The following SHISA9 variants were observed in gnomAD, a reference collection of about 807,000 sequenced individuals.
SHISA9 encodes the protein protein shisa-9.
Under a neutral mutation model 38.0 loss-of-function variants are expected in SHISA9, and 13 were observed. The ratio of observed to expected loss-of-function variants is 0.34; its 90% CI spans 0.22 to 0.54. The LOEUF (loss-of-function observed/expected upper bound fraction) is 0.54. SHISA9 is among the 20% of genes least tolerant of loss of function. The pLI is 0.91. For missense variants in SHISA9, 538 were observed against 575.8 expected (o/e 0.93, Z 0.67); for synonymous variants, 275 against 242.0 (o/e 1.14, Z -1.27).
rs534767462 is a variant in SHISA9, at chr16:12,974,105, T to C, written c.691+57290T>C. On this transcript the variant is annotated intron_variant, in intron 2 of 4. Transcript: ENST00000558583. ...GAGACCAATTAGAAAGTGGAAGGCC[T>C]AGGAAGAAAAGGGACCAGGGAGTTC... Among the ~76,000 whole-genome samples, 11 of 152,148 alleles carry C rather than the reference T, an allele frequency of 7.2e-5. No individual in the cohort carries two copies. The South Asian group carries it at 2.1e-3, about 29-fold the overall frequency.
intron 2 of SHISA9, among the ~76,000 whole-genome samples, chr16:13,163,867 T>C (rs1227635111): frequency 6.6e-6 from 1 of 152,030 alleles, no homozygotes; most frequent in African/African-American, 2.4e-5. Flanking sequence ...TTATTAGTTG[T>C]AATAGTTTTT....
chr16:13,359,350 G>A, the SHISA9 span, among the ~76,000 whole-genome samples: 1 of 152,096 alleles, frequency 6.6e-6, no homozygotes, highest in African/African-American at 2.4e-5. Flanking sequence ...GGGTGTGGTG[G>A]TGGGCACCTG....
chr16:13,328,615 CACACACACACACACACACACAT>C, the SHISA9 span, among the ~76,000 whole-genome samples: 3 of 145,428 alleles, frequency 2.1e-5, no homozygotes, highest in Non-Finnish European at 3.0e-5. Context: ...CACACACACA[CACACACACACACACACACACAT>C]ATATATTGTA....
intron 2 of SHISA9, among the ~76,000 whole-genome samples, chr16:13,040,630 TC>T (rs1255663651): frequency 1.3e-5 from 2 of 152,148 alleles, no homozygotes; most frequent in African/African-American, 4.8e-5. Flanking sequence ...CATCTACTTT[TC>T]CCCCTTGCTC....
chr16:12,982,840 A>G (rs2072258152), intron 2 of SHISA9, among the ~76,000 whole-genome samples: 1 of 152,262 alleles, frequency 6.6e-6, no homozygotes, highest in African/African-American at 2.4e-5. Flanking sequence ...AAAGCATTGC[A>G]TAAATAAACG....
the SHISA9 span, among the ~76,000 whole-genome samples, chr16:13,557,914 T>G: frequency 0.31 from 47,704 of 151,842 alleles, 8,283 homozygotes; most frequent in East Asian, 0.65. Context: ...GTTTTCATTT[T>G]TGCCCTTTCC....
chr16:13,433,830 G>A, the SHISA9 span, among the ~76,000 whole-genome samples: 1 of 152,164 alleles, frequency 6.6e-6, no homozygotes, highest in Non-Finnish European at 1.5e-5. Context: ...GGTGTGCTTT[G>A]GCTTTGACCA....
At chr16:13,054,078 C>G (rs2073283320) in intron 2 of SHISA9, among the ~76,000 whole-genome samples, 1 of 152,148 alleles carries the variant, frequency 6.6e-6, no homozygotes, top group African/African-American at 2.4e-5. Flanking sequence ...TTATTTTGTT[C>G]ACATATGAAT....
chr16:13,295,683 CAGCTG>C, the SHISA9 span, among the ~76,000 whole-genome samples: 1 of 152,094 alleles, frequency 6.6e-6, no homozygotes, highest in Non-Finnish European at 1.5e-5. Flanking sequence ...AGGTGCCAAC[CAGCTG>C]TGATTTAATA....
intron 2 of SHISA9, among the ~76,000 whole-genome samples, chr16:12,992,175 G>A (rs1359880205): frequency 6.6e-6 from 1 of 152,010 alleles, no homozygotes; most frequent in African/African-American, 2.4e-5. Flanking sequence ...TTGAGAAATA[G>A]CATTCTTAAC....
the SHISA9 span, among the ~76,000 whole-genome samples, chr16:13,434,319 C>G: frequency 3.3e-5 from 5 of 152,112 alleles, no homozygotes; most frequent in Non-Finnish European, 7.3e-5. Context: ...TCTCCTTTGA[C>G]AGCACCCTTG....
At chr16:12,989,862 T>C (rs1469926208) in intron 2 of SHISA9, among the ~76,000 whole-genome samples, 1 of 152,184 alleles carries the variant, frequency 6.6e-6, no homozygotes, top group Non-Finnish European at 1.5e-5. Flanking sequence ...GGTGATTTGC[T>C]GCACAGATCA....
At chr16:13,283,322 G>T in the SHISA9 span, among the ~76,000 whole-genome samples, 1 of 152,062 alleles carries the variant, frequency 6.6e-6, no homozygotes, top group African/African-American at 2.4e-5. Context: ...TTTAGGCTTT[G>T]TTAGGGTAGG....
At chr16:13,317,230 T>C in the SHISA9 span, among the ~76,000 whole-genome samples, 3 of 151,942 alleles carry the variant, frequency 2.0e-5, no homozygotes, top group East Asian at 5.8e-4. Flanking sequence ...ACGCCAGGAG[T>C]CTGGATGCCA....
chr16:12,996,303 A>C (rs557437954), intron 2 of SHISA9, among the ~76,000 whole-genome samples: 1 of 152,328 alleles, frequency 6.6e-6, no homozygotes, highest in African/African-American at 2.4e-5. Flanking sequence ...GAAGAAAAAA[A>C]ATGTGAAGAT....
chr16:12,917,309 C>T (rs7193468), intron 2 of SHISA9, among the ~76,000 whole-genome samples: 2 of 151,798 alleles, frequency 1.3e-5, no homozygotes, highest in African/African-American at 2.4e-5. Flanking sequence ...TTCTTTGTAA[C>T]GCTAGAGTTT....
At position 12,910,458 on chromosome 16, in the gene SHISA9, C is replaced by T. The variant is rs569025521; in HGVS notation, c.564-6230C>T. 9.1e-5 allele frequency: 90 copies of T among 985,396 alleles called. No homozygotes were observed. In the African/African-American group the frequency reaches 1.4e-3, roughly 16 times the overall value. 61.0% of individuals were successfully genotyped at this position (985,396 alleles called of 1,614,324 possible). On this transcript the variant is annotated intron_variant, in intron 1 of 4. Coordinates refer to ENST00000558583, the MANE Select transcript of SHISA9 (RefSeq NM_001145204.3). ...CAGCCAAATATCAGGAGACAGGTAACACACAAGGAAATGTACAAGAAAGTT... is the reference window on the plus strand; with the variant it reads ...CAGCCAAATATCAGGAGACAGGTAATACACAAGGAAATGTACAAGAAAGTT...
At chr16:13,042,143 A>T (rs1331031524) in intron 2 of SHISA9, among the ~76,000 whole-genome samples, 1 of 152,128 alleles carries the variant, frequency 6.6e-6, no homozygotes, top group Non-Finnish European at 1.5e-5. Flanking sequence ...CTGTTCCCTG[A>T]TCTGTTGGGT....
the SHISA9 span, among the ~76,000 whole-genome samples, chr16:13,380,553 C>G: frequency 6.6e-5 from 10 of 152,008 alleles, no homozygotes; most frequent in African/African-American, 1.7e-4. Flanking sequence ...TAAAGGGGAG[C>G]CTAGATTTTT....
Sources: gnomAD v4.1 joint callset for allele counts (sites outside exome capture counted in the v4.1 genomes callset) on GRCh38, gnomAD v4.1.1 for gene constraint, MANE v1.5 for transcripts, NCBI Gene and HGNC (gene_info 2026-07-23, HGNC 2026-07-21) for gene names.